Variants in RERE observed in about 807,000 individuals in gnomAD.
RERE encodes arginine-glutamic acid dipeptide repeats protein.
Under a neutral mutation model 146.1 loss-of-function variants are expected in RERE, and 40 were observed. The ratio of observed to expected loss-of-function variants is 0.27; its 90% confidence interval spans 0.21 to 0.36. RERE has a LOEUF of 0.36. Ranked by LOEUF, RERE falls within the 10% of genes least tolerant of loss-of-function variation. RERE has a pLI of 1.00. For synonymous variants in RERE, 1,003 were observed against 866.0 expected, an observed-to-expected ratio of 1.16 and a Z score of -2.78; for missense variants, 1,933 against 2,138.7, an observed-to-expected ratio of 0.90 and a Z score of 1.90.
At chr1:8,519,254 CAAACAACAA>C (rs1645460626) in intron 7 of RERE, among the ~76,000 whole-genome samples, 1 of 151,994 alleles carries the variant, frequency 6.6e-6, no homozygotes, top group African/African-American at 2.4e-5. Context: ...ACCAACCAAC[CAAACAACAA>C]AAACAACAAA....
intron 10 of RERE, among the ~76,000 whole-genome samples, chr1:8,489,254 G>A (rs1273019535): frequency 6.6e-6 from 1 of 151,962 alleles, no homozygotes; most frequent in Non-Finnish European, 1.5e-5. Flanking sequence ...CAGGTACTCA[G>A]GAGGTTGAGG....
chr1:8,358,884 G>A lies in RERE; in HGVS notation c.3651C>T (p.Leu1217=). The part of the protein sequence containing the change: ...KASSSAHEGR[L]SDPQLSGPGH... ...CAGGACCACTGAGCTGTGGGTCACT[G>A]AGGCGACCTTCATGCGCTGAGCTGG... Residue 1217 remains leucine (L), a synonymous_variant, in exon 20 of 23, where the codon CTC becomes CTT. Coordinates refer to ENST00000400908, the MANE Select transcript of RERE (RefSeq NM_001042681.2). 6.4e-7 allele frequency: 1 copy of A among 1,563,886 alleles called. No individual in the cohort carries two copies. The highest frequency in any genetic ancestry group is 8.7e-7 in the Non-Finnish European group (1 of 1,153,996).
chr1:8,604,730 C>T (rs1646681338), intron 4 of RERE, among the ~76,000 whole-genome samples: 1 of 151,770 alleles, frequency 6.6e-6, no homozygotes, highest in Non-Finnish European at 1.5e-5. Flanking sequence ...TATTTCTCTA[C>T]ATTACAAATT....
chr1:8,393,414 G>A (rs1037123838), intron 12 of RERE, among the ~76,000 whole-genome samples: 6 of 152,130 alleles, frequency 3.9e-5, no homozygotes, highest in East Asian at 1.9e-4. Flanking sequence ...TGATTGGACC[G>A]TAGCATGACA....
chr1:8,561,527 G>A (rs1463055), intron 4 of RERE, among the ~76,000 whole-genome samples: 129,653 of 152,152 alleles, frequency 0.85, 55,642 homozygotes, highest in East Asian at 0.95. Flanking sequence ...AAGTGAAGGG[G>A]TGGAACAAAA....
chr1:8,811,967 C>T (rs190222967), intron 1 of RERE, among the ~76,000 whole-genome samples: 36 of 152,296 alleles, frequency 2.4e-4, no homozygotes, highest in Non-Finnish European at 4.3e-4. Context: ...CTGGGTGGGA[C>T]CCATATCCCT....
chr1:8,465,634 C>T (rs565456239), intron 11 of RERE: 1 of 465,932 alleles, frequency 2.1e-6, no homozygotes, highest in Non-Finnish European at 4.1e-6. Flanking sequence ...CTAGCTTGCA[C>T]CAAAAACAAG....
chr1:8,479,925 G>C (rs1233865210), intron 10 of RERE, among the ~76,000 whole-genome samples: 2 of 151,952 alleles, frequency 1.3e-5, no homozygotes, highest in Non-Finnish European at 2.9e-5. Flanking sequence ...TGAATACTAG[G>C]GCAAATATTA....
At chr1:8,629,376 C>G in intron 2 of RERE, among the ~76,000 whole-genome samples, 1 of 152,174 alleles carries the variant, frequency 6.6e-6, no homozygotes, top group East Asian at 1.9e-4. Context: ...CTGGCTGTTT[C>G]TCACAACCTC....
At position 8,368,483 on chromosome 1, in the gene RERE, G is replaced by GA. The variant is rs70990563; in HGVS notation, c.1285-2510dup. ...AGTGAGACTCTGTCTCAAAGAAAAA[G>GA]AAAAAAAAAAAAAAAAGCTTGGGAT... On this transcript the variant is annotated intron_variant, in intron 12 of 22. Coordinates refer to ENST00000400908, the MANE Select transcript of RERE (RefSeq NM_001042681.2). Among the ~76,000 whole-genome samples, 235 of 76,332 alleles carry GA rather than the reference G, an allele frequency of 3.1e-3. 1 individual carries two copies. Among genetic ancestry groups the GA allele is most frequent in the African/African-American group, 6.6e-3 (97 of 14,646 alleles). The allele number at this position is 76,332 out of a possible 152,430, so 50.1% of individuals were successfully genotyped here.
rs1433642240 is a variant in RERE at position 8,529,210 on chromosome 1, C to G, written c.830+12004G>C. Among the ~76,000 whole-genome samples, 4 of 151,542 alleles carry G rather than the reference C, an allele frequency of 2.6e-5. No homozygotes were observed. In the East Asian group the frequency reaches 7.7e-4, roughly 29 times the overall value. On this transcript the variant is annotated intron_variant, in intron 7 of 22. Transcript: ENST00000400908. ...CTCTTTGAATTATGAATATAAAATT[C>G]CAAACAGAAAAATTTTAAATATATT...
At chr1:8,777,367 A>G (rs1641083511) in intron 1 of RERE, among the ~76,000 whole-genome samples, 1 of 152,094 alleles carries the variant, frequency 6.6e-6, no homozygotes, top group African/African-American at 2.4e-5. Flanking sequence ...CTGTGAAGGG[A>G]GAAAGAACAA....
At chr1:8,519,157 G>T (rs1645457992) in intron 7 of RERE, among the ~76,000 whole-genome samples, 1 of 152,016 alleles carries the variant, frequency 6.6e-6, no homozygotes, top group South Asian at 2.1e-4. Flanking sequence ...AAGGTGGGTG[G>T]GTCCCTTGTG....
intron 12 of RERE, among the ~76,000 whole-genome samples, chr1:8,397,083 T>G (rs1008810061): frequency 6.6e-6 from 1 of 152,244 alleles, no homozygotes; most frequent in Non-Finnish European, 1.5e-5. Flanking sequence ...GTTTACTATG[T>G]GACAGATACT....
In RERE at chr1:8,456,498, A is replaced by G. The variant is rs7512481; in HGVS notation, c.1203+9427T>C. Among the ~76,000 whole-genome samples, 337 of 152,342 alleles carry G rather than the reference A, an allele frequency of 2.2e-3. 1 individual carries two copies. The highest frequency in any genetic ancestry group is 7.7e-3 in the African/African-American group (321 of 41,582). ...AATGAGCAGCTGCAGAAGTCAGAGG[A>G]ATGCATGACTCAGAGTCCTACATAA... On this transcript the variant is annotated intron_variant, in intron 11 of 22. Transcript: ENST00000400908.
intron 1 of RERE, among the ~76,000 whole-genome samples, chr1:8,748,127 G>A (rs901316490): frequency 1.3e-4 from 20 of 152,088 alleles, no homozygotes; most frequent in Admixed American, 7.9e-4. Flanking sequence ...ACATAATTTC[G>A]TCTAAAGTTC....
At chr1:8,461,575 T>G (rs1644527270) in intron 11 of RERE, among the ~76,000 whole-genome samples, 1 of 152,174 alleles carries the variant, frequency 6.6e-6, no homozygotes, top group Admixed American at 6.5e-5. Context: ...ACATTTTGGC[T>G]TCAGTTCAAG....
intron 1 of RERE, among the ~76,000 whole-genome samples, chr1:8,803,220 G>A (rs911158375): frequency 6.6e-6 from 1 of 152,132 alleles, no homozygotes; most frequent in South Asian, 2.1e-4. Flanking sequence ...CTTAACGCCT[G>A]TAATCCCAGC....
At chr1:8,734,426 A>G (rs1311848752) in intron 1 of RERE, among the ~76,000 whole-genome samples, 1 of 152,194 alleles carries the variant, frequency 6.6e-6, no homozygotes, top group East Asian at 1.9e-4. Flanking sequence ...TTTATTGCTT[A>G]AAATCCTTTA....
Sources: gnomAD v4.1 joint callset for allele counts (sites outside exome capture counted in the v4.1 genomes callset) on GRCh38, gnomAD v4.1.1 for gene constraint, MANE v1.5 for transcripts, NCBI Gene and HGNC (gene_info 2026-07-23, HGNC 2026-07-21) for gene names.